TPRG1: variants seen among roughly 807,000 people sequenced by gnomAD.
The protein encoded by TPRG1 is tumor protein p63-regulated gene 1 protein.
A neutral mutation model predicts 29.3 loss-of-function variants in TPRG1; 29 were observed. The observed-to-expected ratio is 0.99, with a 90% CI of 0.74 to 1.35. The LOEUF is 1.35. Among genes scored for constraint, TPRG1 ranks in the 40% most tolerant of loss-of-function variants. TPRG1 has a pLI of 0.00. For missense variants in TPRG1, 327 were observed against 335.0 expected (o/e 0.98, Z 0.19); for synonymous variants, 130 against 116.8 (o/e 1.11, Z -0.73).
chr3:189,201,365 G>T (rs554850147), intron 1 of TPRG1, among the ~76,000 whole-genome samples: 1 of 152,268 alleles, frequency 6.6e-6, no homozygotes, highest in East Asian at 1.9e-4. Context: ...TAAAAATCCC[G>T]TGTGACTTCT....
chr3:189,228,894 C>A (rs909277521), intron 3 of TPRG1, among the ~76,000 whole-genome samples: 3 of 152,068 alleles, frequency 2.0e-5, no homozygotes, highest in African/African-American at 7.2e-5. Context: ...AAAAAACTGT[C>A]CAGATCTAAT....
intron 4 of TPRG1, among the ~76,000 whole-genome samples, chr3:189,074,035 G>A (rs956305064): frequency 3.3e-4 from 50 of 151,942 alleles, no homozygotes; most frequent in Non-Finnish European, 6.2e-4. Context: ...ATGAGAAGTC[G>A]GCCATCAAAT....
chr3:189,238,729 A>G lies in TPRG1; in HGVS notation c.303-4A>G, dbSNP rs1196558735. ...ATTTTTATTTGCTATGATGATTCCTATAGGATAGACCACTGGAACAATGAG... is the reference window on the plus strand; with the variant it reads ...ATTTTTATTTGCTATGATGATTCCTGTAGGATAGACCACTGGAACAATGAG... On this transcript the variant is annotated splice_polypyrimidine_tract_variant and splice_region_variant and intron_variant, in intron 3 of 5. Transcript: ENST00000345063. 3 of 1,606,326 alleles carry G rather than the reference A, an allele frequency of 1.9e-6. No homozygotes were observed. Among genetic ancestry groups the G allele is most frequent in the Non-Finnish European group, 2.6e-6 (3 of 1,175,726 alleles).
chr3:189,050,039 T>G (rs764207805), intron 4 of TPRG1, among the ~76,000 whole-genome samples: 9 of 151,568 alleles, frequency 5.9e-5, no homozygotes, highest in Non-Finnish European at 1.0e-4. Flanking sequence ...CAACAAGAAC[T>G]GACTAAGCCC....
chr3:189,191,555 G>A (rs961687372), intron 1 of TPRG1, among the ~76,000 whole-genome samples: 3 of 152,140 alleles, frequency 2.0e-5, no homozygotes, highest in African/African-American at 7.2e-5. Flanking sequence ...GTGGAACTGG[G>A]TCAAAGTAGC....
At chr3:189,277,784 A>G (rs552890485) in intron 4 of TPRG1, among the ~76,000 whole-genome samples, 157 of 152,324 alleles carry the variant, frequency 1.0e-3, no homozygotes, top group Middle Eastern at 3.4e-3. Flanking sequence ...GTCCAATCCC[A>G]CATTGTTGGA....
intron 4 of TPRG1, among the ~76,000 whole-genome samples, chr3:189,278,879 T>C (rs923607230): frequency 6.6e-6 from 1 of 152,212 alleles, no homozygotes; most frequent in Non-Finnish European, 1.5e-5. Context: ...TATATACCCA[T>C]GTATAATATG....
At chr3:189,246,278 C>A (rs569046482) in intron 4 of TPRG1, among the ~76,000 whole-genome samples, 1 of 152,276 alleles carries the variant, frequency 6.6e-6, no homozygotes, top group South Asian at 2.1e-4. Flanking sequence ...GCCTCCCCAG[C>A]CACTTAGAAC....
At chr3:189,228,645 A>G (rs950770601) in intron 3 of TPRG1, among the ~76,000 whole-genome samples, 1 of 152,220 alleles carries the variant, frequency 6.6e-6, no homozygotes, top group African/African-American at 2.4e-5. Flanking sequence ...AAATCTATAG[A>G]TAACATCATG....
At position 189,054,023 on chromosome 3, in the gene TPRG1, G is replaced by C. The variant is rs376148005; in HGVS notation, c.-463+30077G>C. On this transcript the variant is annotated intron_variant, in intron 4 of 10. Transcript: ENST00000433971. ...TCTACATTCACAGTTTGGCTGTTTG[G>C]GGTAAGACGCTCAGCTTTCAGTCTT... Among the ~76,000 whole-genome samples the C allele has an allele frequency of 2.6e-3, 401 of 152,156 alleles. 2 individuals are homozygous for C. Among genetic ancestry groups the C allele is most frequent in the South Asian group, 9.1e-3 (44 of 4,824 alleles).
chr3:189,205,957 A>G (rs578167043), intron 1 of TPRG1, among the ~76,000 whole-genome samples: 68 of 151,534 alleles, frequency 4.5e-4, no homozygotes, highest in Non-Finnish European at 8.6e-4. Context: ...CTTTTTAGAC[A>G]TTTTTAAATC....
chr3:189,021,471 T>C (rs1713304936), intron 3 of TPRG1, among the ~76,000 whole-genome samples: 1 of 152,162 alleles, frequency 6.6e-6, no homozygotes, highest in South Asian at 2.1e-4. Context: ...TAAAGGATTT[T>C]ATTTCTCCTT....
intron 2 of TPRG1, among the ~76,000 whole-genome samples, chr3:189,208,025 G>A (rs561624204): frequency 5.7e-4 from 87 of 152,312 alleles, no homozygotes; most frequent in Non-Finnish European, 7.9e-4. Flanking sequence ...TAAAGTTTAC[G>A]ATGGGATGCT....
At chr3:189,288,657 C>CTTCTCACCTCTAAGCCTAA (rs1464427815) in intron 4 of TPRG1, among the ~76,000 whole-genome samples, 5 of 152,228 alleles carry the variant, frequency 3.3e-5, no homozygotes, top group Non-Finnish European at 7.3e-5. Flanking sequence ...GGGTCAAAGG[C>CTTCTCACCTCTAAGCCTAA]TTCTCACCTC....
intron 3 of TPRG1, among the ~76,000 whole-genome samples, chr3:189,140,312 G>C (rs1724372695): frequency 6.6e-6 from 1 of 152,130 alleles, no homozygotes; most frequent in Admixed American, 6.5e-5. Flanking sequence ...CCTGACCCCA[G>C]CCCTCCCTAG....
intron 4 of TPRG1, among the ~76,000 whole-genome samples, chr3:189,299,231 C>T (rs1490109946): frequency 2.6e-5 from 4 of 152,106 alleles, no homozygotes; most frequent in Non-Finnish European, 4.4e-5. Context: ...GGAGTTGCCT[C>T]AAAATGTTTC....
chr3:188,998,578 T>C (rs1711899221), intron 1 of TPRG1, among the ~76,000 whole-genome samples: 1 of 152,230 alleles, frequency 6.6e-6, no homozygotes, highest in African/African-American at 2.4e-5. Flanking sequence ...GTTAATCTTT[T>C]TGTTTCAATG....
intron 3 of TPRG1, among the ~76,000 whole-genome samples, chr3:189,233,395 A>G (rs1738980169): frequency 6.6e-6 from 1 of 152,112 alleles, no homozygotes; most frequent in Non-Finnish European, 1.5e-5. Flanking sequence ...AGCTCTCAGG[A>G]TGGATCCAGC....
intron 1 of TPRG1, among the ~76,000 whole-genome samples, chr3:189,114,302 G>A (rs1578400552): frequency 2.0e-5 from 3 of 151,412 alleles, no homozygotes; most frequent in African/African-American, 7.3e-5. Context: ...TTTGTTTTAA[G>A]ATGGAGTCTC....
Sources: gnomAD v4.1 joint callset for allele counts (sites outside exome capture counted in the v4.1 genomes callset) on GRCh38, gnomAD v4.1.1 for gene constraint, MANE v1.5 for transcripts, NCBI Gene and HGNC (gene_info 2026-07-23, HGNC 2026-07-21) for gene names.